Variants in RUFY3 observed in about 807,000 individuals in gnomAD.
The protein encoded by RUFY3 is protein RUFY3.
RUFY3 carries 34 observed loss-of-function variants against 84.0 expected under a neutral mutation model. The ratio of observed to expected loss-of-function variants is 0.40; its 90% CI spans 0.31 to 0.54. The LOEUF (loss-of-function observed/expected upper bound fraction) is 0.54. RUFY3 is among the 20% of genes least tolerant of loss of function. The probability of loss-of-function intolerance (pLI) is 0.39; values close to 1 mark genes in which losing one functional copy is unlikely to be tolerated. For missense variants in RUFY3, 507 were observed against 736.8 expected, an observed-to-expected ratio of 0.69 and a Z score of 3.61; for synonymous variants, 242 against 252.9, an observed-to-expected ratio of 0.96 and a Z score of 0.41.
chr4:70,790,048 C>A, intron 12 of RUFY3: 1 of 246,924 alleles, frequency 4.0e-6, no homozygotes, highest in Non-Finnish European at 6.5e-6. Context: ...TCTCTCCCTT[C>A]TTTAACCCTT....
intron 4 of RUFY3, 45 bp downstream of exon 4, chr4:70,764,621 A>G (rs1725539411): frequency 8.6e-7 from 1 of 1,167,130 alleles, no homozygotes; most frequent in Non-Finnish European, 1.3e-6. Flanking sequence ...GGTATGTTCT[A>G]CATCGTATAA....
At chr4:70,720,377 T>G (rs781067898), upstream of RUFY3, among the ~76,000 whole-genome samples, 3 of 152,280 alleles carry the variant, frequency 2.0e-5, no homozygotes, top group African/African-American at 7.2e-5. Flanking sequence ...AGAGATGAGG[T>G]TTCACCATGT....
chr4:70,743,075 T>C (rs1721580416), intron 1 of RUFY3, among the ~76,000 whole-genome samples: 1 of 151,964 alleles, frequency 6.6e-6, no homozygotes, highest in South Asian at 2.1e-4. Context: ...ATTATATTTA[T>C]TTATTTATTT....
intron 4 of RUFY3, among the ~76,000 whole-genome samples, chr4:70,766,318 C>T (rs917622944): frequency 1.3e-5 from 2 of 152,164 alleles, no homozygotes; most frequent in Admixed American, 1.3e-4. Context: ...AATCACGGCT[C>T]ACTGCAGCTT....
chr4:70,787,676 A>T (rs914159991), intron 10 of RUFY3, among the ~76,000 whole-genome samples: 2 of 152,168 alleles, frequency 1.3e-5, no homozygotes, highest in African/African-American at 4.8e-5. Context: ...TTTTCATAAG[A>T]AAGGTCGCAG....
chr4:70,713,328 A>T (rs1292756427), intron 1 of RUFY3, among the ~76,000 whole-genome samples: 2 of 152,162 alleles, frequency 1.3e-5, no homozygotes, highest in Admixed American at 1.3e-4. Context: ...TGGCCAGGAA[A>T]TGTTTTTAGA....
At chr4:70,772,289 A>T (rs1361524910) in intron 5 of RUFY3, among the ~76,000 whole-genome samples, 2 of 152,140 alleles carry the variant, frequency 1.3e-5, no homozygotes, top group African/African-American at 2.4e-5. Flanking sequence ...TCAAGCCCTT[A>T]CAGTCAGCCC....
chr4:70,721,913 G>A, upstream of RUFY3: 4 of 1,231,380 alleles, frequency 3.2e-6, no homozygotes, highest in Non-Finnish European at 4.1e-6. Context: ...CCTGGGAATT[G>A]CTTGCCCTAC....
At chr4:70,747,236 A>C (rs1186030758) in intron 1 of RUFY3, among the ~76,000 whole-genome samples, 1 of 152,208 alleles carries the variant, frequency 6.6e-6, no homozygotes, top group Non-Finnish European at 1.5e-5. Flanking sequence ...TAACCACTAC[A>C]CCAAAATTGT....
At chr4:70,792,896 ATTCTT>A (rs1731037404) in intron 12 of RUFY3, 1 of 985,272 alleles carries the variant, frequency 1.0e-6, no homozygotes, top group African/African-American at 1.7e-5. Context: ...CTCCTACTGT[ATTCTT>A]CTCTTCATCA....
chr4:70,763,138 C>G (rs2148707417), intron 2 of RUFY3, among the ~76,000 whole-genome samples: 1 of 152,252 alleles, frequency 6.6e-6, no homozygotes, highest in Non-Finnish European at 1.5e-5. Flanking sequence ...CTTGCCTTCT[C>G]AATATTCTTT....
intron 4 of RUFY3, among the ~76,000 whole-genome samples, chr4:70,767,915 G>A (rs1726255798): frequency 6.6e-6 from 1 of 152,036 alleles, no homozygotes; most frequent in Non-Finnish European, 1.5e-5. Flanking sequence ...CTGACCTCAA[G>A]TGATCCACCC....
chr4:70,799,843 A>C (rs1732009466), intron 14 of RUFY3: 1 of 287,428 alleles, frequency 3.5e-6, no homozygotes, highest in Admixed American at 5.7e-5. Flanking sequence ...ACTTCCCCTA[A>C]GAAGTAACTG....
chr4:70,763,150 C>T (rs1201231107), intron 2 of RUFY3, among the ~76,000 whole-genome samples: 1 of 152,032 alleles, frequency 6.6e-6, no homozygotes, highest in Non-Finnish European at 1.5e-5. Flanking sequence ...ATATTCTTTT[C>T]TTGTTGTTTT....
At chr4:70,753,187 G>A (rs758440439) in intron 1 of RUFY3, among the ~76,000 whole-genome samples, 2 of 152,066 alleles carry the variant, frequency 1.3e-5, no homozygotes, top group Non-Finnish European at 2.9e-5. Context: ...ACATACAGTT[G>A]TCCGTAGTAT....
At chr4:70,771,310 G>A (rs1412768056) in intron 5 of RUFY3, among the ~76,000 whole-genome samples, 1 of 152,104 alleles carries the variant, frequency 6.6e-6, no homozygotes, top group African/African-American at 2.4e-5. Context: ...AGGTATGTGT[G>A]TGTGTGCGTG....
rs201605548 is a variant in RUFY3 at position 70,795,061 on chromosome 4, C to CT, written c.1557+168dup. Among the ~76,000 whole-genome samples, 1,394 of 152,218 alleles carry CT rather than the reference C, an allele frequency of 9.2e-3. 28 individuals carry two copies. The highest frequency in any genetic ancestry group is 0.032 in the African/African-American group (1,329 of 41,526). Reference sequence around the variant, plus strand: ...TATGTGAACAAATGAAAGCTTGATTCTGAGTCTGCCTCTAGGATACTTTCT... The same window carrying CT: ...TATGTGAACAAATGAAAGCTTGATTCTTGAGTCTGCCTCTAGGATACTTTCT... On this transcript the variant is annotated intron_variant, in intron 14 of 17. Transcript: ENST00000381006.
intron 1 of RUFY3, among the ~76,000 whole-genome samples, chr4:70,724,734 A>C (rs1326445703): frequency 6.6e-6 from 1 of 152,210 alleles, no homozygotes; most frequent in Non-Finnish European, 1.5e-5. Context: ...AAATTACTAG[A>C]AATGAAAATA....
chr4:70,704,896 C>G (rs1416069096), exon 1 of RUFY3: 7 of 1,189,370 alleles, frequency 5.9e-6, no homozygotes, highest in Non-Finnish European at 7.3e-6. Context: ...CCGCCCAGGC[C>G]CGGGCGCGAA....
Sources: allele counts gnomAD v4.1 joint callset (sites outside exome capture counted in the v4.1 genomes callset), GRCh38; gene constraint gnomAD v4.1.1; transcripts MANE v1.5; gene names NCBI Gene and HGNC (gene_info 2026-07-23, HGNC 2026-07-21).